Variants in HDX observed in about 807,000 individuals in gnomAD.
HDX encodes the protein chromosome X open reading frame 43.
A neutral mutation model predicts 45.2 loss-of-function variants in HDX; 19 were observed. The observed-to-expected ratio is 0.42, with a 90% CI of 0.29 to 0.62. HDX has a LOEUF of 0.62. Ranked by LOEUF, HDX falls within the 20% of genes least tolerant of loss-of-function variation. The probability of loss-of-function intolerance (pLI) is 0.20; values close to 1 mark genes in which losing one functional copy is unlikely to be tolerated. For synonymous variants in HDX, 188 were observed against 172.8 expected (o/e 1.09, Z -0.69); for missense variants, 532 against 493.9 (o/e 1.08, Z -0.73).
intron 3 of HDX, among the ~76,000 whole-genome samples, chrX:84,471,980 T>C (rs2040462939): frequency 9.0e-6 from 1 of 111,341 alleles, no homozygotes; most frequent in South Asian, 3.7e-4. Flanking sequence ...GCATAACATA[T>C]TTGTACGTAA....
intron 7 of HDX, among the ~76,000 whole-genome samples, chrX:84,339,653 G>A (rs1005133305): frequency 1.8e-5 from 2 of 111,370 alleles, no homozygotes; most frequent in Non-Finnish European, 3.8e-5. Flanking sequence ...CCCAAGAAAA[G>A]CAGCTCTGCT....
intron 4 of HDX, among the ~76,000 whole-genome samples, chrX:84,463,340 G>A (rs1043598758): frequency 4.5e-5 from 5 of 110,656 alleles, no homozygotes; most frequent in African/African-American, 1.6e-4. Flanking sequence ...CATTTGAGTT[G>A]GTTTAAATGC....
chrX:84,465,379 A>T (rs879134150), intron 4 of HDX, among the ~76,000 whole-genome samples: 1 of 112,438 alleles, frequency 8.9e-6, no homozygotes, highest in Admixed American at 9.4e-5. Flanking sequence ...ACATATGTTT[A>T]TTGCAGCACT....
intron 5 of HDX, among the ~76,000 whole-genome samples, chrX:84,394,880 A>G (rs1464719794): frequency 1.8e-5 from 2 of 110,752 alleles, no homozygotes; most frequent in Non-Finnish European, 3.8e-5. Context: ...TTTTCAGCCT[A>G]TATGTGTCTT....
intron 5 of HDX, among the ~76,000 whole-genome samples, chrX:84,386,515 T>C (rs2038324503): frequency 8.9e-6 from 1 of 111,828 alleles, no homozygotes; most frequent in Non-Finnish European, 1.9e-5. Context: ...TTGTTATTAC[T>C]GATAAAACTT....
chrX:84,365,259 G>A (rs1286670051), intron 5 of HDX, among the ~76,000 whole-genome samples: 2 of 111,467 alleles, frequency 1.8e-5, no homozygotes, highest in Admixed American at 9.6e-5. Context: ...TATATTTGAT[G>A]TGAAATTCCT....
chrX:84,451,302 A>G (rs2039991463), intron 4 of HDX, among the ~76,000 whole-genome samples: 1 of 111,356 alleles, frequency 9.0e-6, no homozygotes, highest in Admixed American at 9.6e-5. Context: ...AGAAAAAAAG[A>G]AGACATAAAT....
chrX:84,374,467 AAAG>A (rs1171049521), intron 5 of HDX, among the ~76,000 whole-genome samples: 3 of 110,514 alleles, frequency 2.7e-5, no homozygotes, highest in African/African-American at 9.9e-5. Context: ...TCCTAAGCCA[AAAG>A]AACAAAGCTA....
At chrX:84,385,947 A>G (rs922146577) in intron 5 of HDX, among the ~76,000 whole-genome samples, 3 of 104,196 alleles carry the variant, frequency 2.9e-5, no homozygotes, top group Non-Finnish European at 5.9e-5. Flanking sequence ...CTCAAGGGGA[A>G]TGGTTCTAGC....
chrX:84,469,120 T>C lies in HDX; in HGVS notation c.603A>G (p.Ser201=). Reference sequence around the variant, plus strand: ...GTACTGTCATTTCAGAAGCTTGTACTGAAGAGTTTCCATAGTTTTTCTTTG... The same window carrying C: ...GTACTGTCATTTCAGAAGCTTGTACCGAAGAGTTTCCATAGTTTTTCTTTG... ...NHAKKNYGNS[S]VQASEMTVPQ... The change falls in exon 4 of 11, where the codon TCA becomes TCG. Residue 201 remains serine (S), a synonymous_variant. Transcript: ENST00000373177. The C allele has an allele frequency of 8.3e-7, 1 of 1,211,148 alleles. No individual in the cohort carries two copies. Among genetic ancestry groups the C allele is most frequent in the African/African-American group, 1.7e-5 (1 of 57,811 alleles).
At chrX:84,495,222 G>C (rs2040976978) in intron 1 of HDX, among the ~76,000 whole-genome samples, 2 of 111,088 alleles carry the variant, frequency 1.8e-5, no homozygotes, top group South Asian at 7.5e-4. Context: ...GGTAGATGTT[G>C]ATCAAGGAAT....
intron 5 of HDX, among the ~76,000 whole-genome samples, chrX:84,394,221 T>A (rs1241773319): frequency 9.0e-6 from 1 of 111,605 alleles, no homozygotes; most frequent in Non-Finnish European, 1.9e-5. Context: ...CTCAAGAAAT[T>A]TTTGAATTTC....
rs5968324 is a variant in HDX, at chrX:84,443,672, C to T, written c.1252-3087G>A. Reference sequence around the variant, plus strand: ...TTGAACATTCATATTAGTCACTAAACGTGGCTTAGAATAAATTCTGGCTAT... The same window carrying T: ...TTGAACATTCATATTAGTCACTAAATGTGGCTTAGAATAAATTCTGGCTAT... On this transcript the variant is annotated intron_variant, in intron 4 of 10. Transcript: ENST00000373177. Among the ~76,000 whole-genome samples, 98 of 111,770 alleles carry T rather than the reference C, an allele frequency of 8.8e-4. No homozygotes were observed. In the Middle Eastern group the frequency reaches 0.014, roughly 16 times the overall value.
intron 4 of HDX, among the ~76,000 whole-genome samples, chrX:84,445,180 A>G (rs981712003): frequency 1.8e-5 from 2 of 112,119 alleles, no homozygotes; most frequent in Admixed American, 9.5e-5. Flanking sequence ...GAGGCTAGAA[A>G]AGCTACTATC....
At position 84,412,767 on chromosome X, in the gene HDX, G is replaced by T. The variant is rs767321964; in HGVS notation, c.1305+27765C>A. 2.8e-3 allele frequency among the ~76,000 whole-genome samples: 307 copies of T among 111,609 alleles called. 1 individual carries two copies. Among genetic ancestry groups the T allele is most frequent in the Non-Finnish European group, 5.2e-3 (276 of 53,071 alleles). On this transcript the variant is annotated intron_variant, in intron 5 of 10. Transcript: ENST00000373177. ...TGGATGGGATCCTCAAATATGTTTT[G>T]CATGTTCCTTGCTTTCTCTCCCTTT...
At position 84,321,915 on chromosome X, in the gene HDX, C is replaced by T; in HGVS notation, c.2047G>A (p.Glu683Lys). Residue 683 changes from glutamate (E) to lysine (K), a missense_variant, in exon 11 of 11, where the codon GAG (glutamate) becomes AAG (lysine). Transcript: ENST00000373177. ...DTSFSVSSLSEKNVSESL is the reference protein window; with the variant it reads ...DTSFSVSSLSKKNVSESL ...CACAAACTTTCTGAGACATTTTTCTCTGACAAAGAAGATACACTGAATGAG... is the reference window on the plus strand; with the variant it reads ...CACAAACTTTCTGAGACATTTTTCTTTGACAAAGAAGATACACTGAATGAG... 2.4e-5 allele frequency: 29 copies of T among 1,190,031 alleles called. No homozygotes were observed. Among genetic ancestry groups the T allele is most frequent in the Non-Finnish European group, 3.1e-5 (27 of 881,288 alleles).
At chrX:84,457,139 T>C (rs758258123) in intron 4 of HDX, among the ~76,000 whole-genome samples, 12 of 111,879 alleles carry the variant, frequency 1.1e-4, no homozygotes, top group Non-Finnish European at 1.7e-4. Context: ...AAATCTTCTT[T>C]TTTTTTGGCT....
intron 4 of HDX, among the ~76,000 whole-genome samples, chrX:84,467,956 T>G (rs2040383841): frequency 8.9e-6 from 1 of 112,153 alleles, no homozygotes; most frequent in Non-Finnish European, 1.9e-5. Flanking sequence ...TCTCACTTAA[T>G]GTTTTAATAA....
intron 5 of HDX, among the ~76,000 whole-genome samples, chrX:84,387,333 TTGTAA>T (rs770597818): frequency 8.9e-6 from 1 of 111,880 alleles, no homozygotes; most frequent in Admixed American, 9.5e-5. Context: ...ACGGAGTGAC[TTGTAA>T]TGTCTCTTAG....
Sources: allele counts gnomAD v4.1 joint callset (sites outside exome capture counted in the v4.1 genomes callset), GRCh38; gene constraint gnomAD v4.1.1; transcripts MANE v1.5; gene names NCBI Gene and HGNC (gene_info 2026-07-23, HGNC 2026-07-21).